L3MBTL4: variants seen among roughly 807,000 people sequenced by gnomAD.
The protein encoded by L3MBTL4 is L3MBTL histone methyl-lysine binding protein 4, also known as lethal(3)malignant brain tumor-like protein 4.
Under a neutral mutation model 84.5 loss-of-function variants are expected in L3MBTL4, and 70 were observed. That is an observed-to-expected ratio of 0.83 (90% CI 0.68 to 1.01). The LOEUF (loss-of-function observed/expected upper bound fraction) is 1.01. L3MBTL4 is among the 50% of genes least tolerant of loss of function. L3MBTL4 has a pLI of 0.00. For missense variants in L3MBTL4, 715 were observed against 754.8 expected (o/e 0.95, Z 0.62); for synonymous variants, 274 against 259.8 (o/e 1.05, Z -0.52).
At chr18:6,353,552 T>G (rs1389503318) in intron 1 of L3MBTL4, among the ~76,000 whole-genome samples, 1 of 151,932 alleles carries the variant, frequency 6.6e-6, no homozygotes, top group Non-Finnish European at 1.5e-5. Context: ...ACCTAAAGAC[T>G]CCACAAAAAA....
intron 4 of L3MBTL4, among the ~76,000 whole-genome samples, chr18:6,286,996 G>A (rs77489822): frequency 0.045 from 6,779 of 152,218 alleles, 453 homozygotes; most frequent in African/African-American, 0.14. Context: ...TTCCCCTTCA[G>A]TTGGATAAGG....
chr18:6,364,296 ATTG>A lies in L3MBTL4; in HGVS notation c.-91+50502_-91+50504del, dbSNP rs772789450. Among the ~76,000 whole-genome samples, 38 of 152,176 alleles carry A rather than the reference ATTG, an allele frequency of 2.5e-4. No individual in the cohort carries two copies. The East Asian group carries it at 4.3e-3, about 17-fold the overall frequency. On this transcript the variant is annotated intron_variant, in intron 1 of 18. Transcript: ENST00000317931. ...ATTATTTATGTTAAGTAATGATTATATTGTTATTTTTAAATAAACTAATAAATA... is the reference window on the plus strand; with the variant it reads ...ATTATTTATGTTAAGTAATGATTATATTATTTTTAAATAAACTAATAAATA...
chr18:6,317,188 A>C (rs1235228255), intron 1 of L3MBTL4, among the ~76,000 whole-genome samples: 1 of 152,084 alleles, frequency 6.6e-6, no homozygotes. Flanking sequence ...AACCCATACA[A>C]ATTACTCAGT....
chr18:6,129,325 A>T (rs1262531253), intron 14 of L3MBTL4, among the ~76,000 whole-genome samples: 1 of 151,810 alleles, frequency 6.6e-6, no homozygotes, highest in Non-Finnish European at 1.5e-5. Context: ...TTGCTTCAAA[A>T]TATCAATGCA....
At chr18:6,406,028 C>T (rs1370659931) in intron 1 of L3MBTL4, among the ~76,000 whole-genome samples, 1 of 152,198 alleles carries the variant, frequency 6.6e-6, no homozygotes, top group East Asian at 1.9e-4. Flanking sequence ...GTCTATATTA[C>T]TGGCTTCATG....
At chr18:6,060,118 T>C (rs2057157166) in intron 16 of L3MBTL4, among the ~76,000 whole-genome samples, 1 of 152,176 alleles carries the variant, frequency 6.6e-6, no homozygotes. Flanking sequence ...ATAATAGATA[T>C]TTAATTTTTT....
At chr18:6,239,333 T>G in intron 9 of L3MBTL4, among the ~76,000 whole-genome samples, 1 of 116,588 alleles carries the variant, frequency 8.6e-6, no homozygotes, top group South Asian at 2.8e-4. Flanking sequence ...AGAGCGAGAC[T>G]CCGTCTCAAA....
At chr18:6,133,098 T>C (rs1209719588) in intron 14 of L3MBTL4, among the ~76,000 whole-genome samples, 1 of 152,176 alleles carries the variant, frequency 6.6e-6, no homozygotes, top group East Asian at 1.9e-4. Flanking sequence ...GCCAGTCACT[T>C]CACAGAAGTA....
intron 14 of L3MBTL4, among the ~76,000 whole-genome samples, chr18:6,095,514 C>G (rs9963826): frequency 0.015 from 2,227 of 152,092 alleles, 59 homozygotes; most frequent in African/African-American, 0.051. Context: ...CCACACCCGG[C>G]TAATTTTTTG....
chr18:6,072,080 T>C (rs1463906781), intron 16 of L3MBTL4, among the ~76,000 whole-genome samples: 1 of 152,154 alleles, frequency 6.6e-6, no homozygotes, highest in Non-Finnish European at 1.5e-5. Context: ...ATAAAATACA[T>C]ATTTCAAAAT....
In L3MBTL4 at chr18:6,073,184, A is replaced by G. The variant is rs144301722; in HGVS notation, c.1444+7697T>C. On this transcript the variant is annotated intron_variant, in intron 16 of 18. Transcript: ENST00000317931. ...AACAGAGAGAGAGAGAGTGAGAGAG[A>G]CAGAGGGGGAGAGAAAACGCACAAG... Among the ~76,000 whole-genome samples, 348 of 151,042 alleles carry G rather than the reference A, an allele frequency of 2.3e-3. 4 individuals are homozygous for G. The highest frequency in any genetic ancestry group is 7.6e-3 in the African/African-American group (315 of 41,226).
At chr18:6,313,101 GT>G (rs2050916413) in intron 1 of L3MBTL4, among the ~76,000 whole-genome samples, 1 of 152,118 alleles carries the variant, frequency 6.6e-6, no homozygotes, top group African/African-American at 2.4e-5. Context: ...CTTTATTGTA[GT>G]TTTTGTTTGC....
chr18:6,080,136 T>C (rs961302948), intron 16 of L3MBTL4: 2 of 152,284 alleles, frequency 1.3e-5, no homozygotes, highest in African/African-American at 4.8e-5. Context: ...CACAGTGTGC[T>C]AATTCACTGG....
intron 16 of L3MBTL4, among the ~76,000 whole-genome samples, chr18:6,028,781 T>C (rs1003590010): frequency 2.0e-5 from 3 of 152,188 alleles, no homozygotes; most frequent in African/African-American, 7.2e-5. Flanking sequence ...TTTATTCTCA[T>C]TGTAGCAATT....
At chr18:6,216,262 A>C (rs79080695) in intron 10 of L3MBTL4, among the ~76,000 whole-genome samples, 4 of 152,168 alleles carry the variant, frequency 2.6e-5, no homozygotes, top group Non-Finnish European at 5.9e-5. Flanking sequence ...TAATCATTCT[A>C]TATCTATTAA....
chr18:6,297,716 T>C (rs900829318), intron 4 of L3MBTL4, among the ~76,000 whole-genome samples: 1 of 152,222 alleles, frequency 6.6e-6, no homozygotes, highest in Non-Finnish European at 1.5e-5. Context: ...ATAGACAATA[T>C]ACTTTTTATC....
Position 6,067,952 on chromosome 18 carries a change from T to G in L3MBTL4, c.1444+12929A>C, listed in dbSNP as rs568741664. ...ATTGTTCTTAAATTTATTTTTGATT[T>G]GACTGTGTTTTTTTCTTTAATTTCT... is the stretch of plus-strand genomic sequence containing the variant. On this transcript the variant is annotated intron_variant, in intron 16 of 18. Transcript: ENST00000317931. Among the ~76,000 whole-genome samples the G allele has an allele frequency of 1.3e-4, 20 of 152,324 alleles. No homozygotes were observed. In the East Asian group the frequency reaches 3.7e-3, roughly 28 times the overall value.
intron 12 of L3MBTL4, among the ~76,000 whole-genome samples, chr18:6,180,893 A>G (rs917444442): frequency 6.6e-6 from 1 of 152,224 alleles, no homozygotes; most frequent in Non-Finnish European, 1.5e-5. Flanking sequence ...GTGTCCGTCA[A>G]CTGATGAATG....
At chr18:6,116,019 T>A (rs1346708539) in intron 14 of L3MBTL4, among the ~76,000 whole-genome samples, 4 of 151,874 alleles carry the variant, frequency 2.6e-5, no homozygotes, top group African/African-American at 9.7e-5. Context: ...TGGGAGTGGG[T>A]CAAGTGGGAC....
Sources: allele counts gnomAD v4.1 joint callset (sites outside exome capture counted in the v4.1 genomes callset), GRCh38; gene constraint gnomAD v4.1.1; transcripts MANE v1.5; gene names NCBI Gene and HGNC (gene_info 2026-07-23, HGNC 2026-07-21).